Variants in BEND5 observed in about 807,000 individuals in gnomAD.
The protein encoded by BEND5 is BEN domain containing 5.
In BEND5, 22 loss-of-function variants were observed where a neutral mutation model predicts 43.9. That is an observed-to-expected ratio of 0.50 (90% CI 0.36 to 0.72). The LOEUF (loss-of-function observed/expected upper bound fraction) is 0.72. Ranked by LOEUF, BEND5 falls within the 30% of genes least tolerant of loss-of-function variation. The pLI, the probability that BEND5 is intolerant of heterozygous loss-of-function variation, is 0.00. For missense variants in BEND5, 428 were observed against 550.6 expected, an observed-to-expected ratio of 0.78 and a Z score of 2.23; for synonymous variants, 228 against 225.9, an observed-to-expected ratio of 1.01 and a Z score of -0.08.
rs535801978 is a variant in BEND5 at position 48,741,454 on chromosome 1, C to T, written c.894+1169G>A. On this transcript the variant is annotated intron_variant, in intron 4 of 5. Transcript: ENST00000371833. ...TGCCACCTCTCCTCTGCAAAGCTGA[C>T]GTTTCAAGCCTGCTGAAGGCAGCAA... 6.6e-5 allele frequency among the ~76,000 whole-genome samples: 10 copies of T among 152,324 alleles called. No individual in the cohort carries two copies. In the East Asian group the frequency reaches 1.2e-3, roughly 18 times the overall value.
At chr1:48,756,181 T>C (rs1463050625) in intron 3 of BEND5, among the ~76,000 whole-genome samples, 1 of 152,228 alleles carries the variant, frequency 6.6e-6, no homozygotes, top group Non-Finnish European at 1.5e-5. Flanking sequence ...ACATGCTCTT[T>C]GCCTAAATTG....
In BEND5 at chr1:48,727,755, T is replaced by C. The variant is rs1009972213; in HGVS notation, c.*131A>G. On this transcript the variant is annotated 3_prime_UTR_variant, in exon 6 of 6. Coordinates refer to ENST00000371833, the MANE Select transcript of BEND5 (RefSeq NM_024603.4). ...AGTGTCCACATTCAGAACAAGCCGC[T>C]GACCCCAGAACCCGATGGATCCCTG... 2.2e-5 allele frequency: 18 copies of C among 821,156 alleles called. No individual in the cohort carries two copies. The East Asian group carries it at 4.3e-4, about 20-fold the overall frequency. 50.9% of individuals were successfully genotyped at this position (821,156 alleles called of 1,614,324 possible). A position where few individuals can be genotyped will look rare whatever the true frequency, so the allele number is the denominator to read the frequency against.
At position 48,771,057 on chromosome 1, in the gene BEND5, G is replaced by T. The variant is rs184738894; in HGVS notation, c.226+5549C>A. ...ATGTAGAATATGTGCACTGAACCTG[G>T]AACCAGGTGAGTATTTATAACATAT... On this transcript the variant is annotated intron_variant, in intron 1 of 5. Coordinates refer to ENST00000371833, the MANE Select transcript of BEND5 (RefSeq NM_024603.4). Among the ~76,000 whole-genome samples, 479 of 152,314 alleles carry T rather than the reference G, an allele frequency of 3.1e-3. 2 individuals are homozygous for T. Among genetic ancestry groups the T allele is most frequent in the African/African-American group, 0.01 (427 of 41,570 alleles).
intron 1 of BEND5, among the ~76,000 whole-genome samples, chr1:48,773,156 C>T (rs1332195293): frequency 6.6e-6 from 1 of 152,122 alleles, no homozygotes; most frequent in African/African-American, 2.4e-5. Flanking sequence ...AAAAATTCAG[C>T]ACACTCAAAC....
intron 3 of BEND5, among the ~76,000 whole-genome samples, chr1:48,751,982 A>G (rs1420768793): frequency 6.6e-6 from 1 of 152,202 alleles, no homozygotes. Context: ...AAAGTAGAAG[A>G]TGACTGATAT....
At chr1:48,775,425 A>G (rs1250301041) in intron 1 of BEND5, among the ~76,000 whole-genome samples, 1 of 152,138 alleles carries the variant, frequency 6.6e-6, no homozygotes, top group Non-Finnish European at 1.5e-5. Context: ...GAGGAAGCAA[A>G]GGAACTTGAA....
intron 1 of BEND5, among the ~76,000 whole-genome samples, chr1:48,772,672 T>C (rs1644895657): frequency 6.6e-6 from 1 of 152,088 alleles, no homozygotes; most frequent in African/African-American, 2.4e-5. Flanking sequence ...ATGAGAGCAG[T>C]CAACTAAGAC....
chr1:48,740,619 T>C (rs542828171), intron 4 of BEND5, among the ~76,000 whole-genome samples: 2 of 152,326 alleles, frequency 1.3e-5, no homozygotes, highest in East Asian at 3.9e-4. Flanking sequence ...ATATGGCATC[T>C]GGTAGGATGG....
At chr1:48,748,022 T>G (rs1314692372) in intron 3 of BEND5, among the ~76,000 whole-genome samples, 1 of 152,200 alleles carries the variant, frequency 6.6e-6, no homozygotes, top group Non-Finnish European at 1.5e-5. Flanking sequence ...TCTTCATAAA[T>G]GCATAGCAAA....
intron 3 of BEND5, 34 bp downstream of exon 3, chr1:48,758,866 A>G (rs1434767842): frequency 6.8e-7 from 1 of 1,465,456 alleles, no homozygotes. Flanking sequence ...ATTTCACCCA[A>G]GTGGAGTGGT....
At chr1:48,754,513 G>T (rs756763999) in intron 3 of BEND5, among the ~76,000 whole-genome samples, 7 of 152,140 alleles carry the variant, frequency 4.6e-5, no homozygotes, top group Non-Finnish European at 7.3e-5. Context: ...TTGTACATTG[G>T]AATGTCACCA....
Position 48,742,720 on chromosome 1 carries a change from G to A in BEND5, c.797C>T (p.Pro266Leu), listed in dbSNP as rs761563513. 5.6e-6 allele frequency: 9 copies of A among 1,609,878 alleles called. No homozygotes were observed. The highest frequency in any genetic ancestry group is 1.7e-4 in the Middle Eastern group (1 of 6,050). ...CTCACTGAAAGTGCTCCGTAACTCC[G>A]GCTCGGGCTCGAGACATTCTGACTT... is the stretch of plus-strand genomic sequence containing the variant. ...KVKSECLEPE[P>L]ELRSTFSEEA... Residue 266 changes from proline (P) to leucine (L), a missense_variant, in exon 4 of 6, where the codon CCG (proline) becomes CTG (leucine). Around this residue, in one of 4 missense-constraint regions of BEND5, gnomAD observed 243 missense variants for 286.4 expected, o/e 0.85. Transcript: ENST00000371833.
intron 1 of BEND5, among the ~76,000 whole-genome samples, chr1:48,774,757 T>C (rs1644994470): frequency 2.0e-5 from 3 of 152,206 alleles, no homozygotes. Flanking sequence ...GCCATCTGCC[T>C]AAGTGGCCTC....
intron 3 of BEND5, among the ~76,000 whole-genome samples, chr1:48,750,842 C>A (rs187846496): frequency 6.6e-6 from 1 of 152,082 alleles, no homozygotes; most frequent in South Asian, 2.1e-4. Flanking sequence ...GGAGGCTAGA[C>A]GAGGTGAACT....
At position 48,727,881 on chromosome 1, in the gene BEND5, A is replaced by C; in HGVS notation, c.*5T>G. 1 of 1,594,142 alleles carries C rather than the reference A, an allele frequency of 6.3e-7. No homozygotes were observed. Among genetic ancestry groups the C allele is most frequent in the Admixed American group, 1.7e-5 (1 of 58,818 alleles). On this transcript the variant is annotated 3_prime_UTR_variant, in exon 6 of 6. Coordinates refer to ENST00000371833, the MANE Select transcript of BEND5 (RefSeq NM_024603.4). ...AACACGAAAGCTTTATGAAAAATCC[A>C]AAGTTTATTGCAAATTGTATTTTGC... is the stretch of plus-strand genomic sequence containing the variant.
At chr1:48,735,603 T>G (rs1378284184) in intron 5 of BEND5, among the ~76,000 whole-genome samples, 1 of 151,958 alleles carries the variant, frequency 6.6e-6, no homozygotes, top group Non-Finnish European at 1.5e-5. Context: ...AGCCCTATCT[T>G]TAGGGAGACA....
rs1557909334 is a variant in BEND5, at chr1:48,727,865, G to C, written c.*21C>G. The C allele has an allele frequency of 1.3e-6, 2 of 1,594,016 alleles. No individual in the cohort carries two copies. Among genetic ancestry groups the C allele is most frequent in the Non-Finnish European group, 1.7e-6 (2 of 1,164,732 alleles). On this transcript the variant is annotated 3_prime_UTR_variant, in exon 6 of 6. Coordinates refer to ENST00000371833, the MANE Select transcript of BEND5 (RefSeq NM_024603.4). ...CATGCCACACAAGGAAAACACGAAA[G>C]CTTTATGAAAAATCCAAAGTTTATT...
intron 3 of BEND5, among the ~76,000 whole-genome samples, chr1:48,748,509 G>A (rs1042495724): frequency 6.6e-6 from 1 of 152,226 alleles, no homozygotes. Flanking sequence ...AGAAGCAAAG[G>A]AGGGGGTGCT....
intron 2 of BEND5, 193 bp from the exon 3 acceptor site, chr1:48,759,477 G>A: frequency 1.8e-6 from 2 of 1,123,050 alleles, no homozygotes; most frequent in Non-Finnish European, 1.2e-6. Context: ...TTATAAATGG[G>A]GTTCCGAGTG....
Sources: gnomAD v4.1 joint callset for allele counts (sites outside exome capture counted in the v4.1 genomes callset) on GRCh38, gnomAD v4.1.1 for gene constraint, gnomAD v4.1.1 regional missense constraint, MANE v1.5 for transcripts, NCBI Gene and HGNC (gene_info 2026-07-23, HGNC 2026-07-21) for gene names.